The following ATP8B4 variants were observed in gnomAD, a reference collection of about 807,000 sequenced individuals.
ATP8B4 encodes the protein ATPase phospholipid transporting 8B4 (putative).
A neutral mutation model predicts 145.6 loss-of-function variants in ATP8B4; 133 were observed. The observed-to-expected ratio is 0.91, with a 90% CI of 0.79 to 1.05. The LOEUF (loss-of-function observed/expected upper bound fraction) is 1.05. ATP8B4 is among the 50% of genes least tolerant of loss of function. ATP8B4 has a pLI of 0.00. For synonymous variants in ATP8B4, 507 were observed against 492.9 expected, an observed-to-expected ratio of 1.03 and a Z score of -0.38; for missense variants, 1,458 against 1,425.2, an observed-to-expected ratio of 1.02 and a Z score of -0.37.
At chr15:49,927,713 C>T (rs1214026793) in intron 16 of ATP8B4, among the ~76,000 whole-genome samples, 1 of 152,004 alleles carries the variant, frequency 6.6e-6, no homozygotes, top group African/African-American at 2.4e-5. Context: ...ACCCTCAGAG[C>T]AAAAAGAAAC....
chr15:50,169,217 G>A (rs752350183), intron 1 of ATP8B4, among the ~76,000 whole-genome samples: 1 of 152,164 alleles, frequency 6.6e-6, no homozygotes, highest in Non-Finnish European at 1.5e-5. Context: ...CTGGCAAAAC[G>A]CCAACCAGCA....
Position 49,866,828 on chromosome 15 carries a change from T to C in ATP8B4, c.3028-344A>G, listed in dbSNP as rs535808935. ...TTTTAAGTTACTTTACAAATGTCTC[T>C]CAAAACTTTTCTATTGGAAAAAAAT... On this transcript the variant is annotated intron_variant, in intron 25 of 27. Coordinates refer to ENST00000284509, the MANE Select transcript of ATP8B4 (RefSeq NM_024837.4). 5.9e-5 allele frequency among the ~76,000 whole-genome samples: 9 copies of C among 152,356 alleles called. No homozygotes were observed. In the East Asian group the frequency reaches 1.5e-3, roughly 26 times the overall value.
At chr15:49,880,879 T>A (rs551009701) in intron 23 of ATP8B4, among the ~76,000 whole-genome samples, 41 of 150,752 alleles carry the variant, frequency 2.7e-4, no homozygotes, top group African/African-American at 6.1e-4. Context: ...TTGGGAGGCC[T>A]AGGCGGGTGG....
At chr15:49,890,786 G>A (rs1298636258) in intron 23 of ATP8B4, among the ~76,000 whole-genome samples, 1 of 152,174 alleles carries the variant, frequency 6.6e-6, no homozygotes, top group African/African-American at 2.4e-5. Context: ...AAGAGACAAT[G>A]ATCCCTGCCA....
intron 2 of ATP8B4, among the ~76,000 whole-genome samples, chr15:50,104,354 T>C (rs1398969838): frequency 6.6e-6 from 1 of 151,702 alleles, no homozygotes; most frequent in East Asian, 1.9e-4. Context: ...ATATCCAGAA[T>C]CTACAAGGAA....
In ATP8B4 at chr15:49,915,006, C is replaced by G. The variant is rs117520869; in HGVS notation, c.2141+1928G>C. ...TACTATATCAAAGGGATATCTGCAC[C>G]CCATGTTTACTGTAGCACTACTCAT... On this transcript the variant is annotated intron_variant, in intron 20 of 27. Transcript: ENST00000284509. 4.2e-3 allele frequency among the ~76,000 whole-genome samples: 634 copies of G among 152,026 alleles called. 3 individuals are homozygous for G. The highest frequency in any genetic ancestry group is 0.01 in the Middle Eastern group (3 of 294).
intron 3 of ATP8B4, among the ~76,000 whole-genome samples, chr15:50,066,128 G>A: frequency 6.6e-6 from 1 of 151,832 alleles, no homozygotes; most frequent in East Asian, 1.9e-4. Context: ...AAATATTTAT[G>A]TTTTTATACT....
chr15:49,980,140 A>G (rs935560962), intron 11 of ATP8B4, among the ~76,000 whole-genome samples: 1 of 152,310 alleles, frequency 6.6e-6, no homozygotes, highest in East Asian at 1.9e-4. Flanking sequence ...TCTTGGCCTC[A>G]TAGGCTCTGT....
At position 50,055,639 on chromosome 15, in the gene ATP8B4, T is replaced by C. The variant is rs540578955; in HGVS notation, c.88-8175A>G. Among the ~76,000 whole-genome samples, 9 of 152,312 alleles carry C rather than the reference T, an allele frequency of 5.9e-5. No individual in the cohort carries two copies. The South Asian group carries it at 1.7e-3, about 28-fold the overall frequency. On this transcript the variant is annotated intron_variant, in intron 3 of 27. Coordinates refer to ENST00000284509, the MANE Select transcript of ATP8B4 (RefSeq NM_024837.4). The stretch of plus-strand genomic sequence containing the variant: ...GCTTGAGGGGGAAAACATCTAGCCC[T>C]TCTTGCCACAAAAGGAGGCAAATAC...
intron 2 of ATP8B4, among the ~76,000 whole-genome samples, chr15:50,088,762 T>G (rs1320918349): frequency 6.6e-6 from 1 of 152,216 alleles, no homozygotes; most frequent in African/African-American, 2.4e-5. Flanking sequence ...CAGCTGTACC[T>G]GCAACCTTTG....
At chr15:50,132,233 C>T (rs2044057796) in intron 1 of ATP8B4, among the ~76,000 whole-genome samples, 2 of 152,116 alleles carry the variant, frequency 1.3e-5, no homozygotes, top group Admixed American at 1.3e-4. Context: ...CCATCCTAAG[C>T]TTGCATTGGT....
intron 20 of ATP8B4, among the ~76,000 whole-genome samples, chr15:49,907,814 TC>T (rs1453741803): frequency 6.6e-6 from 1 of 152,236 alleles, no homozygotes; most frequent in Non-Finnish European, 1.5e-5. Context: ...ATCTGCTATT[TC>T]CCCTGGAAAT....
chr15:50,169,406 G>A (rs868529884), intron 1 of ATP8B4, among the ~76,000 whole-genome samples: 21 of 152,206 alleles, frequency 1.4e-4, no homozygotes, highest in African/African-American at 4.6e-4. Context: ...AGACTCACTG[G>A]GTGGTGAGAC....
intron 14 of ATP8B4, among the ~76,000 whole-genome samples, chr15:49,940,157 A>G (rs1179443247): frequency 6.6e-6 from 1 of 152,202 alleles, no homozygotes; most frequent in Admixed American, 6.5e-5. Flanking sequence ...AGGTGCCATC[A>G]ACAATGGACT....
chr15:50,169,736 G>A (rs2044644370), intron 1 of ATP8B4, among the ~76,000 whole-genome samples: 1 of 152,130 alleles, frequency 6.6e-6, no homozygotes, highest in African/African-American at 2.4e-5. Flanking sequence ...TAATCTGGGA[G>A]GGACCAGAGA....
At chr15:50,005,557 C>T (rs1005970778) in intron 7 of ATP8B4, among the ~76,000 whole-genome samples, 37 of 152,040 alleles carry the variant, frequency 2.4e-4, no homozygotes, top group African/African-American at 8.7e-4. Flanking sequence ...TAGACTCTAC[C>T]ACACCCACCA....
At chr15:49,946,615 T>G (rs79927712) in intron 14 of ATP8B4, among the ~76,000 whole-genome samples, 1 of 151,268 alleles carries the variant, frequency 6.6e-6, no homozygotes, top group Non-Finnish European at 1.5e-5. Flanking sequence ...TTTTTTTTTT[T>G]AAATCTCTCT....
intron 13 of ATP8B4, among the ~76,000 whole-genome samples, chr15:49,969,514 G>C (rs1261451528): frequency 6.6e-6 from 1 of 152,112 alleles, no homozygotes; most frequent in African/African-American, 2.4e-5. Flanking sequence ...AAATAAACTA[G>C]AAAATCTAGA....
chr15:50,073,006 A>G (rs1243939340), intron 3 of ATP8B4, among the ~76,000 whole-genome samples: 2 of 51,040 alleles, frequency 3.9e-5, no homozygotes, highest in African/African-American at 2.1e-4. Context: ...ATATATATAT[A>G]TATATATATA....
Sources: gnomAD v4.1 joint callset for allele counts (sites outside exome capture counted in the v4.1 genomes callset) on GRCh38, gnomAD v4.1.1 for gene constraint, MANE v1.5 for transcripts, NCBI Gene and HGNC (gene_info 2026-07-23, HGNC 2026-07-21) for gene names.